The following CSMD1 variants were observed in gnomAD, a reference collection of about 807,000 sequenced individuals.
The protein encoded by CSMD1 is CUB and sushi domain-containing protein 1.
Under a neutral mutation model 417.5 loss-of-function variants are expected in CSMD1, and 213 were observed. That is an observed-to-expected ratio of 0.51 (90% confidence interval 0.46 to 0.57). CSMD1 has a LOEUF of 0.57. Among genes scored for constraint, CSMD1 ranks in the 20% least tolerant of loss-of-function variants. CSMD1 has a pLI of 0.00. For synonymous variants in CSMD1, 2,862 were observed against 1,736.8 expected, an observed-to-expected ratio of 1.65 and a Z score of -16.11; for missense variants, 6,923 against 4,529.7, an observed-to-expected ratio of 1.53 and a Z score of -15.17.
At chr8:3,421,597 TA>T (rs368008043) in intron 12 of CSMD1, among the ~76,000 whole-genome samples, 59 of 152,000 alleles carry the variant, frequency 3.9e-4, no homozygotes, top group Non-Finnish European at 6.5e-4. Flanking sequence ...AACCCCAAGA[TA>T]AAAAAAATCC....
intron 3 of CSMD1, among the ~76,000 whole-genome samples, chr8:4,189,705 TTTTC>T (rs1798900280): frequency 1.3e-5 from 2 of 152,154 alleles, no homozygotes; most frequent in Non-Finnish European, 2.9e-5. Flanking sequence ...GAGAATTAAT[TTTTC>T]ATTTGTATTC....
intron 3 of CSMD1, among the ~76,000 whole-genome samples, chr8:4,175,729 G>A (rs990606966): frequency 2.7e-4 from 41 of 152,102 alleles, no homozygotes; most frequent in African/African-American, 9.4e-4. Context: ...AGAGAATGTT[G>A]CCTAGAAAAA....
chr8:4,505,178 C>A (rs183585988), intron 2 of CSMD1, among the ~76,000 whole-genome samples: 2 of 152,182 alleles, frequency 1.3e-5, no homozygotes, highest in Non-Finnish European at 2.9e-5. Flanking sequence ...CTTTAGCTTG[C>A]ATTGTTTCCT....
chr8:3,179,733 C>A (rs1373219165), intron 37 of CSMD1, among the ~76,000 whole-genome samples: 1 of 152,246 alleles, frequency 6.6e-6, no homozygotes, highest in African/African-American at 2.4e-5. Context: ...CTATCATAAA[C>A]AAGGCTTATG....
At chr8:3,035,902 T>C (rs2128980574) in intron 50 of CSMD1, among the ~76,000 whole-genome samples, 1 of 152,332 alleles carries the variant, frequency 6.6e-6, no homozygotes, top group African/African-American at 2.4e-5. Flanking sequence ...TATAAAGGAA[T>C]AATTTTCTTC....
chr8:4,835,671 TTTTTC>T (rs1345227706), intron 1 of CSMD1, among the ~76,000 whole-genome samples: 3 of 152,162 alleles, frequency 2.0e-5, no homozygotes, highest in African/African-American at 7.2e-5. Flanking sequence ...GCATGTAACA[TTTTTC>T]TTTTATTTGC....
intron 5 of CSMD1, among the ~76,000 whole-genome samples, chr8:3,949,590 T>C (rs571086014): frequency 1.3e-5 from 2 of 152,220 alleles, no homozygotes; most frequent in Admixed American, 6.5e-5. Flanking sequence ...GGGAAACTAA[T>C]TGAAGAACAT....
chr8:3,752,144 G>C (rs1490516751), intron 6 of CSMD1, among the ~76,000 whole-genome samples: 1 of 152,108 alleles, frequency 6.6e-6, no homozygotes, highest in Non-Finnish European at 1.5e-5. Context: ...TCTAACTACA[G>C]CCACAGTATA....
intron 5 of CSMD1, among the ~76,000 whole-genome samples, chr8:3,820,451 G>A (rs141362208): frequency 1.1e-3 from 163 of 152,346 alleles, no homozygotes; most frequent in Admixed American, 0.011. Context: ...CAATATCACT[G>A]TCTTCCAACT....
intron 3 of CSMD1, among the ~76,000 whole-genome samples, chr8:4,059,984 C>A (rs564367794): frequency 3.3e-5 from 5 of 152,072 alleles, no homozygotes; most frequent in Non-Finnish European, 7.4e-5. Flanking sequence ...GGCAGAGACA[C>A]AGCCAAAAAA....
intron 3 of CSMD1, among the ~76,000 whole-genome samples, chr8:4,284,299 C>T (rs1001663800): frequency 1.3e-5 from 2 of 152,000 alleles, no homozygotes; most frequent in East Asian, 1.9e-4. Flanking sequence ...ACCCAGGAGG[C>T]GGAGGTTGCC....
chr8:3,410,790 G>A (rs1218476040), intron 12 of CSMD1, among the ~76,000 whole-genome samples: 2 of 152,154 alleles, frequency 1.3e-5, no homozygotes, highest in Non-Finnish European at 2.9e-5. Context: ...CCAGGCCGGA[G>A]TGCAGTGATG....
rs558096013 is a variant in CSMD1 at position 3,381,585 on chromosome 8, GCAT to G, written c.2782+5906_2782+5908del. ...GAACCCAAAAATATGACAAATATTT[GCAT>G]CGTCTATATGACATCCTTGAGTTTT... is the stretch of plus-strand genomic sequence containing the variant. On this transcript the variant is annotated intron_variant, in intron 18 of 69. Coordinates refer to ENST00000635120, the MANE Select transcript of CSMD1 (RefSeq NM_033225.6). 3.0e-4 allele frequency among the ~76,000 whole-genome samples: 45 copies of G among 152,168 alleles called. 1 individual carries two copies. The South Asian group carries it at 9.1e-3, about 31-fold the overall frequency.
intron 1 of CSMD1, among the ~76,000 whole-genome samples, chr8:4,644,007 G>T (rs762145790): frequency 2.6e-4 from 40 of 152,108 alleles, no homozygotes; most frequent in Non-Finnish European, 3.7e-4. Context: ...AACACTTATG[G>T]GAGATTACTC....
At chr8:3,158,080 A>T in intron 38 of CSMD1, 114 bp from the exon 39 acceptor site, 1 of 851,460 alleles carries the variant, frequency 1.2e-6, no homozygotes, top group Non-Finnish European at 1.8e-6. Context: ...TAAATATTTG[A>T]AAATTCAAAA....
chr8:3,840,827 C>T (rs965497224), intron 5 of CSMD1, among the ~76,000 whole-genome samples: 1 of 151,704 alleles, frequency 6.6e-6, no homozygotes, highest in Admixed American at 6.6e-5. Context: ...TTCCAAGTAG[C>T]TGGGCGCCTG....
chr8:3,796,289 G>C (rs199760079), intron 5 of CSMD1, among the ~76,000 whole-genome samples: 641 of 45,994 alleles, frequency 0.014, 108 homozygotes, highest in Middle Eastern at 0.036. Flanking sequence ...ATCATGTATA[G>C]ATATATCTAT....
At chr8:3,024,127 G>C (rs1164098661) in intron 51 of CSMD1, among the ~76,000 whole-genome samples, 1 of 146,984 alleles carries the variant, frequency 6.8e-6, no homozygotes, top group Non-Finnish European at 1.5e-5. Flanking sequence ...CAGGATTCAT[G>C]GTGTGGTGTG....
intron 1 of CSMD1, chr8:4,787,291 C>A (rs891179257): frequency 3.0e-6 from 2 of 675,000 alleles, no homozygotes; most frequent in Non-Finnish European, 5.4e-6. Context: ...AGCTCTGCCT[C>A]ACTTACCGGC....
Sources: allele counts gnomAD v4.1 joint callset (sites outside exome capture counted in the v4.1 genomes callset), GRCh38; gene constraint gnomAD v4.1.1; transcripts MANE v1.5; gene names NCBI Gene and HGNC (gene_info 2026-07-23, HGNC 2026-07-21).